The following TRIO variants were observed in gnomAD, a reference collection of about 807,000 sequenced individuals.
TRIO encodes triple functional domain protein.
TRIO carries 58 observed loss-of-function variants against 351.9 expected under a neutral mutation model. The observed-to-expected ratio is 0.16, with a 90% CI of 0.13 to 0.21. TRIO has a LOEUF of 0.21. TRIO is among the 10% of genes least tolerant of loss of function. TRIO has a pLI of 1.00. For synonymous variants in TRIO, 1,758 were observed against 1,595.7 expected (o/e 1.10, Z -2.42); for missense variants, 3,201 against 4,027.8 (o/e 0.79, Z 5.56).
rs1413648664 is a variant in TRIO at position 14,390,954 on chromosome 5, T to A, written c.4182T>A (p.Thr1394=). The change falls in exon 27 of 57, where the codon ACT becomes ACA. Residue 1394 remains threonine, a synonymous_variant. Transcript: ENST00000344204. ...ATTGCAAAAATAAGCCTGATTCTAC[T>A]CAGCTGATATTGGAACATGCAGGGT... The part of the protein sequence containing the change: ...VTYCKNKPDS[T]QLILEHAGSY... 1 of 1,611,654 alleles carries A rather than the reference T, an allele frequency of 6.2e-7. No individual in the cohort carries two copies. The highest frequency in any genetic ancestry group is 1.1e-5 in the South Asian group (1 of 90,194).
chr5:14,270,965 TAAATG>T, intron 2 of TRIO, 66 bp downstream of exon 2: 1 of 1,132,738 alleles, frequency 8.8e-7, no homozygotes. Context: ...TCTGACGTAA[TAAATG>T]AACTCACCTG....
intron 34 of TRIO, 150 bp from the exon 35 acceptor site, chr5:14,460,869 A>G: frequency 1.2e-6 from 1 of 827,134 alleles, no homozygotes; most frequent in Non-Finnish European, 1.8e-6. Flanking sequence ...GTAAAGCATC[A>G]GCCCCTGTCA....
chr5:14,339,236 C>T (rs905545937), intron 11 of TRIO, among the ~76,000 whole-genome samples: 4 of 152,254 alleles, frequency 2.6e-5, no homozygotes, highest in African/African-American at 9.6e-5. Context: ...GACCCTGTCT[C>T]AAACACAGAA....
chr5:14,443,721 T>G (rs1752234844), intron 34 of TRIO, among the ~76,000 whole-genome samples: 1 of 152,268 alleles, frequency 6.6e-6, no homozygotes, highest in South Asian at 2.1e-4. Context: ...AAGCCTGTTT[T>G]ATGTGCTGAC....
At chr5:14,475,031 C>G (rs557894536) in intron 40 of TRIO, among the ~76,000 whole-genome samples, 19 of 152,264 alleles carry the variant, frequency 1.2e-4, no homozygotes, top group African/African-American at 4.1e-4. Context: ...CAACTCTGAT[C>G]CCACTACATT....
rs1367684171 is a variant in TRIO, at chr5:14,366,748, C to T, written c.2755-112C>T. On this transcript the variant is annotated intron_variant, in intron 15 of 56. Transcript: ENST00000344204. The stretch of plus-strand genomic sequence containing the variant: ...TAGGATGATGAAGGCATCAGTGCCT[C>T]GTACCTGCCAGGAGCAACTGGACTA... 9.3e-6 allele frequency: 14 copies of T among 1,497,510 alleles called. No homozygotes were observed. In the East Asian group the frequency reaches 1.9e-4, roughly 20 times the overall value. The allele number at this position is 1,497,510 out of a possible 1,614,324, so 92.8% of individuals were successfully genotyped here.
intron 27 of TRIO, among the ~76,000 whole-genome samples, chr5:14,393,767 C>T (rs938081198): frequency 6.6e-6 from 1 of 152,114 alleles, no homozygotes; most frequent in Admixed American, 6.5e-5. Flanking sequence ...TTACAAAATG[C>T]AAAGTGCAAA....
At chr5:14,195,015 T>C (rs1393975588) in intron 1 of TRIO, among the ~76,000 whole-genome samples, 2 of 133,520 alleles carry the variant, frequency 1.5e-5, no homozygotes, top group African/African-American at 7.7e-5. Flanking sequence ...TTCAGTGTAT[T>C]TTTTTTTTTA....
rs1408136738 is a variant in TRIO at position 14,507,985 on chromosome 5, C to T, written c.8857C>T (p.Leu2953=). ...LNTTYYIHQL[L]GNPEFAAPEI... ...CACGACCTACTACATCCACCAGTTA[C>T]TGGGGAACCCTGAATTCGCAGCCCC... Residue 2953 remains leucine (L), a synonymous_variant, in exon 57 of 57, where the codon CTG becomes TTG. Transcript: ENST00000344204. The T allele has an allele frequency of 1.9e-6, 3 of 1,614,238 alleles. No homozygotes were observed. Among genetic ancestry groups the T allele is most frequent in the Non-Finnish European group, 2.5e-6 (3 of 1,180,030 alleles).
intron 9 of TRIO, among the ~76,000 whole-genome samples, chr5:14,330,356 A>C (rs918213349): frequency 2.0e-5 from 3 of 152,222 alleles, no homozygotes; most frequent in Non-Finnish European, 2.9e-5. Flanking sequence ...TCTGTAGTTA[A>C]ACTTGAATTG....
At chr5:14,349,309 G>T (rs534966051) in intron 11 of TRIO, among the ~76,000 whole-genome samples, 1 of 151,348 alleles carries the variant, frequency 6.6e-6, no homozygotes, top group Non-Finnish European at 1.5e-5. Flanking sequence ...TGTTTTTCCT[G>T]TGTGTATATG....
intron 1 of TRIO, among the ~76,000 whole-genome samples, chr5:14,224,272 T>C (rs1792838104): frequency 6.6e-6 from 1 of 152,094 alleles, no homozygotes; most frequent in Admixed American, 6.5e-5. Flanking sequence ...AAGTAGAAAT[T>C]CCTGCATTTG....
intron 9 of TRIO, among the ~76,000 whole-genome samples, chr5:14,328,344 A>T (rs532806380): frequency 4.7e-4 from 71 of 152,386 alleles, no homozygotes; most frequent in African/African-American, 1.6e-3. Flanking sequence ...TGCACTGAAT[A>T]CGCTTGTTAA....
At chr5:14,148,906 G>T (rs1029827725) in intron 1 of TRIO, among the ~76,000 whole-genome samples, 1 of 152,202 alleles carries the variant, frequency 6.6e-6, no homozygotes. Flanking sequence ...AGGGGTAAGC[G>T]GGTTCGATGT....
intron 1 of TRIO, among the ~76,000 whole-genome samples, chr5:14,225,121 A>G (rs1048519312): frequency 6.6e-6 from 1 of 152,140 alleles, no homozygotes; most frequent in Non-Finnish European, 1.5e-5. Flanking sequence ...CCTCAAGTTT[A>G]TCTGAATCGT....
At chr5:14,150,674 C>G (rs1277249766) in intron 1 of TRIO, among the ~76,000 whole-genome samples, 1 of 152,158 alleles carries the variant, frequency 6.6e-6, no homozygotes, top group South Asian at 2.1e-4. Flanking sequence ...GCAGATAGAA[C>G]CAATGATACC....
At chr5:14,197,124 C>T (rs903183163) in intron 1 of TRIO, among the ~76,000 whole-genome samples, 1 of 152,192 alleles carries the variant, frequency 6.6e-6, no homozygotes, top group African/African-American at 2.4e-5. Context: ...CAAGACATGC[C>T]TGCCAGAAGA....
chr5:14,312,009 C>A (rs988268902), intron 8 of TRIO, among the ~76,000 whole-genome samples: 17 of 152,264 alleles, frequency 1.1e-4, no homozygotes, highest in African/African-American at 4.1e-4. Context: ...GCAGTTGTTG[C>A]TTTTGCAGTG....
chr5:14,241,945 T>C (rs1212857204), intron 1 of TRIO, among the ~76,000 whole-genome samples: 1 of 152,232 alleles, frequency 6.6e-6, no homozygotes, highest in African/African-American at 2.4e-5. Context: ...AATTGTATTA[T>C]TCCAACGACA....
Sources: allele counts gnomAD v4.1 joint callset (sites outside exome capture counted in the v4.1 genomes callset), GRCh38; gene constraint gnomAD v4.1.1; transcripts MANE v1.5; gene names NCBI Gene and HGNC (gene_info 2026-07-23, HGNC 2026-07-21).